The following HSD17B12 variants were observed in gnomAD, a reference collection of about 807,000 sequenced individuals.
HSD17B12 encodes the protein hydroxysteroid 17-beta dehydrogenase 12.
HSD17B12 carries 32 observed loss-of-function variants against 39.3 expected under a neutral mutation model. The observed-to-expected ratio is 0.81, with a 90% confidence interval of 0.61 to 1.09. The LOEUF is 1.09. HSD17B12 is among the 50% of genes least tolerant of loss of function. The pLI is 0.00. For missense variants in HSD17B12, 342 were observed against 382.9 expected, an observed-to-expected ratio of 0.89 and a Z score of 0.89; for synonymous variants, 150 against 146.7, an observed-to-expected ratio of 1.02 and a Z score of -0.16.
intron 7 of HSD17B12, among the ~76,000 whole-genome samples, chr11:43,836,497 T>C (rs926641666): frequency 6.6e-6 from 1 of 152,180 alleles, no homozygotes; most frequent in African/African-American, 2.4e-5. Flanking sequence ...TAAATATTTT[T>C]CTCTCTCTTT....
the HSD17B12 span, among the ~76,000 whole-genome samples, chr11:43,671,100 G>C: frequency 6.6e-6 from 1 of 152,110 alleles, no homozygotes; most frequent in African/African-American, 2.4e-5. Flanking sequence ...CTGTCCTACA[G>C]TTATGCTGGA....
At chr11:43,697,629 T>C (rs1042798402) in intron 1 of HSD17B12, among the ~76,000 whole-genome samples, 1 of 152,202 alleles carries the variant, frequency 6.6e-6, no homozygotes, top group African/African-American at 2.4e-5. Flanking sequence ...TTAGCCACTA[T>C]GCTAAACGGC....
rs1343513877 is a variant in HSD17B12 at position 43,855,934 on chromosome 11, T to C, written c.*686T>C. On this transcript the variant is annotated 3_prime_UTR_variant, in exon 11 of 11. Coordinates refer to ENST00000278353, the MANE Select transcript of HSD17B12 (RefSeq NM_016142.3). ...AATATCGAAGCTATATGGTATGATT[T>C]ATAAAGATAAATGGGCCAAAGTGTA... The C allele has an allele frequency of 6.7e-6, 1 of 149,930 alleles. No homozygotes were observed. Among genetic ancestry groups the C allele is most frequent in the Non-Finnish European group, 1.5e-5 (1 of 67,508 alleles). The allele number at this position is 149,930 out of a possible 1,614,324, so 9.3% of individuals were successfully genotyped here.
At chr11:43,651,566 TA>T in the HSD17B12 span, among the ~76,000 whole-genome samples, 3 of 152,180 alleles carry the variant, frequency 2.0e-5, no homozygotes, top group Non-Finnish European at 4.4e-5. Context: ...AAATTGAAGT[TA>T]AAAAAATCCA....
At chr11:43,763,370 A>G (rs1950569473) in intron 3 of HSD17B12, among the ~76,000 whole-genome samples, 1 of 152,042 alleles carries the variant, frequency 6.6e-6, no homozygotes, top group Non-Finnish European at 1.5e-5. Context: ...TCAACACAAA[A>G]GCTCAAAAAG....
chr11:43,643,311 T>A, the HSD17B12 span, among the ~76,000 whole-genome samples: 10 of 152,166 alleles, frequency 6.6e-5, no homozygotes, highest in Admixed American at 3.9e-4. Flanking sequence ...TAATCTTTAC[T>A]GAAATTATGG....
intron 1 of HSD17B12, among the ~76,000 whole-genome samples, chr11:43,729,314 G>A (rs1441877895): frequency 6.6e-6 from 1 of 152,198 alleles, no homozygotes; most frequent in Non-Finnish European, 1.5e-5. Context: ...TCCTAATCTT[G>A]TGAAGGGATT....
At chr11:43,669,500 CAA>C in the HSD17B12 span, among the ~76,000 whole-genome samples, 13 of 134,320 alleles carry the variant, frequency 9.7e-5, no homozygotes, top group Admixed American at 1.5e-4. Context: ...GACTCTGTTT[CAA>C]AAAAAAAAAA....
At chr11:43,794,423 G>A (rs1950897643) in intron 3 of HSD17B12, among the ~76,000 whole-genome samples, 1 of 152,152 alleles carries the variant, frequency 6.6e-6, no homozygotes, top group Admixed American at 6.5e-5. Context: ...AGACTAAACA[G>A]GTGAGGATAA....
rs954417459 is a variant in HSD17B12 at position 43,749,474 on chromosome 11, T to G, written c.161-1437T>G. On this transcript the variant is annotated intron_variant, in intron 1 of 10. Coordinates refer to ENST00000278353, the MANE Select transcript of HSD17B12 (RefSeq NM_016142.3). ...AGAAACATACTGTAATAGTTATGAATGAAGTGAAATAATGTTTTTACTTCA... is the reference window on the plus strand; with the variant it reads ...AGAAACATACTGTAATAGTTATGAAGGAAGTGAAATAATGTTTTTACTTCA... Among the ~76,000 whole-genome samples the G allele has an allele frequency of 6.0e-4, 91 of 152,234 alleles. 1 individual carries two copies. Among genetic ancestry groups the G allele is most frequent in the Admixed American group, 3.6e-3 (55 of 15,292 alleles).
chr11:43,669,943 A>G, the HSD17B12 span, among the ~76,000 whole-genome samples: 1 of 152,180 alleles, frequency 6.6e-6, no homozygotes, highest in African/African-American at 2.4e-5. Context: ...AGACTCTGAG[A>G]TTGAGATTTG....
At chr11:43,768,995 C>A (rs547857091) in intron 3 of HSD17B12, among the ~76,000 whole-genome samples, 1 of 152,216 alleles carries the variant, frequency 6.6e-6, no homozygotes, top group African/African-American at 2.4e-5. Flanking sequence ...ACGAAGTCCC[C>A]ACCAGACTCA....
At chr11:43,611,419 A>G in the HSD17B12 span, among the ~76,000 whole-genome samples, 1 of 152,284 alleles carries the variant, frequency 6.6e-6, no homozygotes, top group South Asian at 2.1e-4. Flanking sequence ...CTTTTCCCCA[A>G]TTCCAGAATG....
chr11:43,663,251 C>T, the HSD17B12 span, among the ~76,000 whole-genome samples: 1 of 152,168 alleles, frequency 6.6e-6, no homozygotes, highest in Admixed American at 6.5e-5. Flanking sequence ...AGGCATGTGC[C>T]ACCACGCCCA....
chr11:43,600,343 AT>A, the HSD17B12 span, among the ~76,000 whole-genome samples: 5 of 150,580 alleles, frequency 3.3e-5, no homozygotes, highest in African/African-American at 1.2e-4. Context: ...GAAACAGCCC[AT>A]TGGTACTGTT....
chr11:43,586,437 C>T, the HSD17B12 span, among the ~76,000 whole-genome samples: 1 of 152,156 alleles, frequency 6.6e-6, no homozygotes, highest in Non-Finnish European at 1.5e-5. Context: ...GAAGCAGTTC[C>T]GTAAGGCATG....
the HSD17B12 span, among the ~76,000 whole-genome samples, chr11:43,662,904 G>A: frequency 6.6e-6 from 1 of 152,296 alleles, no homozygotes; most frequent in South Asian, 2.1e-4. Context: ...CTTCACCAGA[G>A]TGTCCTGAAA....
At chr11:43,697,960 T>G (rs1180481445) in intron 1 of HSD17B12, among the ~76,000 whole-genome samples, 1 of 152,168 alleles carries the variant, frequency 6.6e-6, no homozygotes, top group Non-Finnish European at 1.5e-5. Flanking sequence ...TAGGACAGTT[T>G]ACTCTGGCAT....
intron 4 of HSD17B12, among the ~76,000 whole-genome samples, chr11:43,814,550 A>T (rs2135077136): frequency 2.0e-5 from 3 of 152,268 alleles, no homozygotes; most frequent in Admixed American, 2.0e-4. Flanking sequence ...TTGAGTATTA[A>T]AATCTTATAT....
Sources: allele counts gnomAD v4.1 joint callset (sites outside exome capture counted in the v4.1 genomes callset), GRCh38; gene constraint gnomAD v4.1.1; transcripts MANE v1.5; gene names NCBI Gene and HGNC (gene_info 2026-07-23, HGNC 2026-07-21).